Variants in NCOA1 observed in about 807,000 individuals in gnomAD.
The protein encoded by NCOA1 is Hin-2 protein.
Under a neutral mutation model 150.9 loss-of-function variants are expected in NCOA1, and 35 were observed. The ratio of observed to expected loss-of-function variants is 0.23; its 90% confidence interval spans 0.18 to 0.31. NCOA1 has a LOEUF of 0.31. NCOA1 is among the 10% of genes least tolerant of loss of function. The pLI is 1.00. For synonymous variants in NCOA1, 590 were observed against 630.0 expected, an observed-to-expected ratio of 0.94 and a Z score of 0.95; for missense variants, 1,491 against 1,749.3, an observed-to-expected ratio of 0.85 and a Z score of 2.63.
At chr2:24,554,007 C>T (rs541294730) in intron 1 of NCOA1, among the ~76,000 whole-genome samples, 1 of 152,152 alleles carries the variant, frequency 6.6e-6, no homozygotes, top group East Asian at 1.9e-4. Flanking sequence ...CAGAATATTC[C>T]CTAATTATCC....
chr2:24,563,649 C>G (rs1042768150), intron 1 of NCOA1, among the ~76,000 whole-genome samples: 5 of 152,090 alleles, frequency 3.3e-5, no homozygotes, highest in East Asian at 1.9e-4. Flanking sequence ...TCCCGAGTAG[C>G]TGGGACTACA....
At chr2:24,641,096 C>A (rs992797370) in intron 3 of NCOA1, among the ~76,000 whole-genome samples, 1 of 151,798 alleles carries the variant, frequency 6.6e-6, no homozygotes, top group Non-Finnish European at 1.5e-5. Flanking sequence ...TCCTTTATAA[C>A]CTTTTGAACA....
chr2:24,562,789 C>T (rs1046784173), intron 1 of NCOA1, among the ~76,000 whole-genome samples: 3 of 152,034 alleles, frequency 2.0e-5, no homozygotes, highest in African/African-American at 7.3e-5. Context: ...GGGGAGATGA[C>T]CAAGATTTTG....
rs199594848 is a variant in NCOA1 at position 24,557,012 on chromosome 2, T to TG, written c.-395-7275dup. On this transcript the variant is annotated intron_variant, in intron 1 of 22. Coordinates refer to ENST00000348332, the MANE Select transcript of NCOA1 (RefSeq NM_003743.5). ...AGATAATTCATTGTTGTTGTTGGGT[T>TG]GGGGGGGGTGGCTATCCTGTATGTA... Among the ~76,000 whole-genome samples the TG allele has an allele frequency of 1.4e-3, 217 of 149,750 alleles. 1 individual carries two copies. Among genetic ancestry groups the TG allele is most frequent in the Middle Eastern group, 3.4e-3 (1 of 290 alleles).
intron 13 of NCOA1, among the ~76,000 whole-genome samples, chr2:24,708,456 C>T (rs936165645): frequency 1.2e-4 from 18 of 151,906 alleles, no homozygotes; most frequent in East Asian, 1.9e-4. Context: ...CTGAAACAGA[C>T]GTAAATAAAG....
Position 24,665,792 on chromosome 2 carries a change from G to A in NCOA1, c.133G>A (p.Glu45Lys). 1.3e-6 allele frequency: 2 copies of A among 1,598,202 alleles called. No individual in the cohort carries two copies. Among genetic ancestry groups the A allele is most frequent in the South Asian group, 1.1e-5 (1 of 88,578 alleles). Residue 45 changes from glutamate (E) to lysine (K), a missense_variant, in exon 6 of 23, where the codon GAA (glutamate) becomes AAA (lysine). Coordinates refer to ENST00000348332, the MANE Select transcript of NCOA1 (RefSeq NM_003743.5). ...GGAGCAAGAAAATAAATATTTAGAA[G>A]AACTAGCTGAGTTACTGTCTGCCAA... The part of the protein sequence containing the change: ...RREQENKYLE[E>K]LAELLSANIS...
chr2:24,525,063 T>G (rs1664592719), intron 1 of NCOA1, among the ~76,000 whole-genome samples: 1 of 152,090 alleles, frequency 6.6e-6, no homozygotes, highest in Non-Finnish European at 1.5e-5. Flanking sequence ...CTGAGGGTAG[T>G]GAAATTAGGG....
At chr2:24,767,171 C>T (rs908605504) in intron 22 of NCOA1, among the ~76,000 whole-genome samples, 4 of 152,022 alleles carry the variant, frequency 2.6e-5, no homozygotes, top group Admixed American at 2.0e-4. Flanking sequence ...AACTTTTACT[C>T]GATTAGGATA....
chr2:24,523,687 G>A lies in NCOA1; in HGVS notation c.-396+32085G>A, dbSNP rs1394768397. ...TCACGCTTGTAATCCCAGCACTTTC[G>A]GAGGCCGAGGTGGGCGGATCATGAG... On this transcript the variant is annotated intron_variant, in intron 1 of 22. Coordinates refer to ENST00000348332, the MANE Select transcript of NCOA1 (RefSeq NM_003743.5). 3.8e-4 allele frequency among the ~76,000 whole-genome samples: 55 copies of A among 146,348 alleles called. 1 individual carries two copies. Among genetic ancestry groups the A allele is most frequent in the Admixed American group, 6.9e-4 (10 of 14,486 alleles).
chr2:24,694,438 G>A (rs1475893315), intron 10 of NCOA1, among the ~76,000 whole-genome samples: 1 of 152,052 alleles, frequency 6.6e-6, no homozygotes, highest in Admixed American at 6.5e-5. Flanking sequence ...TTTAGTTTTA[G>A]TGTACATTTT....
chr2:24,688,950 T>C (rs1211148944), intron 8 of NCOA1, among the ~76,000 whole-genome samples: 1 of 152,202 alleles, frequency 6.6e-6, no homozygotes, highest in African/African-American at 2.4e-5. Context: ...GGTCCAGTTT[T>C]AATCTTCTGC....
chr2:24,594,972 G>A (rs187470336), intron 3 of NCOA1, among the ~76,000 whole-genome samples: 211 of 152,042 alleles, frequency 1.4e-3, no homozygotes, highest in Admixed American at 0.012. Context: ...TCTCATTGAA[G>A]AAAATTAAAT....
intron 22 of NCOA1, chr2:24,767,988 A>T (rs906597044): frequency 6.4e-6 from 8 of 1,256,714 alleles, no homozygotes; most frequent in Non-Finnish European, 8.1e-6. Context: ...ACCCTATAGG[A>T]GGCGTGACCA....
chr2:24,493,040 G>C (rs957007588), intron 1 of NCOA1, among the ~76,000 whole-genome samples: 1 of 151,930 alleles, frequency 6.6e-6, no homozygotes. Flanking sequence ...GTTGTAGGAA[G>C]GGGGTCGGAT....
At chr2:24,757,827 TTATATTA>T in intron 20 of NCOA1, 139 bp from the exon 21 acceptor site, 1 of 679,746 alleles carries the variant, frequency 1.5e-6, no homozygotes, top group Non-Finnish European at 2.4e-6. Flanking sequence ...TGTATCTGAA[TTATATTA>T]ATTTTTATAT....
At chr2:24,595,220 A>T (rs1558822911) in intron 3 of NCOA1, among the ~76,000 whole-genome samples, 1 of 152,112 alleles carries the variant, frequency 6.6e-6, no homozygotes, top group Non-Finnish European at 1.5e-5. Flanking sequence ...AATTTAAAAT[A>T]AATATAACTT....
intron 3 of NCOA1, among the ~76,000 whole-genome samples, chr2:24,642,978 A>T (rs1229129765): frequency 6.6e-6 from 1 of 152,226 alleles, no homozygotes. Context: ...GGGAAGGTGG[A>T]TGTGATTATA....
chr2:24,567,683 T>C (rs1666570785), intron 2 of NCOA1, among the ~76,000 whole-genome samples: 1 of 152,216 alleles, frequency 6.6e-6, no homozygotes, highest in Non-Finnish European at 1.5e-5. Flanking sequence ...AAATTGCTAA[T>C]TGGTTGTATA....
At chr2:24,720,166 A>G (rs1674285699) in intron 14 of NCOA1, among the ~76,000 whole-genome samples, 1 of 152,248 alleles carries the variant, frequency 6.6e-6, no homozygotes, top group African/African-American at 2.4e-5. Flanking sequence ...CAATATATGC[A>G]TATTTAGAAA....
Sources: allele counts gnomAD v4.1 joint callset (sites outside exome capture counted in the v4.1 genomes callset), GRCh38; gene constraint gnomAD v4.1.1; transcripts MANE v1.5; gene names NCBI Gene and HGNC (gene_info 2026-07-23, HGNC 2026-07-21).